The following ELAPOR1 variants were observed in gnomAD, a reference collection of about 807,000 sequenced individuals.
The protein encoded by ELAPOR1 is endosome-lysosome associated apoptosis and autophagy regulator 1, also known as endosome/lysosome-associated apoptosis and autophagy regulator 1.
A neutral mutation model predicts 119.7 loss-of-function variants in ELAPOR1; 77 were observed. That is an observed-to-expected ratio of 0.64 (90% CI 0.54 to 0.78). The LOEUF (loss-of-function observed/expected upper bound fraction) is 0.78. ELAPOR1 is among the 30% of genes least tolerant of loss of function. The pLI is 0.00. For missense variants in ELAPOR1, 1,115 were observed against 1,270.4 expected, an observed-to-expected ratio of 0.88 and a Z score of 1.86; for synonymous variants, 481 against 487.2, an observed-to-expected ratio of 0.99 and a Z score of 0.17.
Position 109,200,157 on chromosome 1 carries a change from G to C in ELAPOR1, c.2727G>C (p.Leu909=). 6.2e-7 allele frequency: 1 copy of C among 1,614,250 alleles called. No homozygotes were observed. The highest frequency in any genetic ancestry group is 8.5e-7 in the Non-Finnish European group (1 of 1,180,046). ...VTICKTIDFW[L]KVGISAGTCT... Reference sequence around the variant, plus strand: ...TCTGCAAAACCATAGATTTCTGGCTGAAAGTGGGCATCTCTGCAGGCACCT... The same window carrying C: ...TCTGCAAAACCATAGATTTCTGGCTCAAAGTGGGCATCTCTGCAGGCACCT... The change falls in exon 20 of 22, where the codon CTG becomes CTC. Residue 909 remains leucine, a synonymous_variant. Transcript: ENST00000369939.
At chr1:109,199,463 A>T (rs1654026114) in intron 18 of ELAPOR1, among the ~76,000 whole-genome samples, 1 of 152,154 alleles carries the variant, frequency 6.6e-6, no homozygotes, top group Non-Finnish European at 1.5e-5. Flanking sequence ...TCATTCCTGA[A>T]CCCCACCTCA....
At chr1:109,147,898 C>G (rs985381013) in intron 1 of ELAPOR1, among the ~76,000 whole-genome samples, 1 of 151,476 alleles carries the variant, frequency 6.6e-6, no homozygotes, top group Non-Finnish European at 1.5e-5. Flanking sequence ...GGCACCATCT[C>G]GTCTCACTGC....
intron 7 of ELAPOR1, among the ~76,000 whole-genome samples, chr1:109,177,160 C>T (rs1177209937): frequency 2.7e-4 from 40 of 148,284 alleles, no homozygotes; most frequent in East Asian, 8.1e-4. Flanking sequence ...CAGAGGGGCT[C>T]CTCACTTCCC....
intron 1 of ELAPOR1, among the ~76,000 whole-genome samples, chr1:109,143,741 C>T (rs904915260): frequency 6.6e-6 from 1 of 151,950 alleles, no homozygotes; most frequent in African/African-American, 2.4e-5. Context: ...ACAAACACTG[C>T]TCAATGCAGC....
At position 109,164,710 on chromosome 1, in the gene ELAPOR1, C is replaced by G. The variant is rs569844413; in HGVS notation, c.467+19C>G. On this transcript the variant is annotated intron_variant, in intron 3 of 21. Coordinates refer to ENST00000369939, the MANE Select transcript of ELAPOR1 (RefSeq NM_020775.5). ...GTACTTCGTGAGTCTGCACACACCC[C>G]CACCCCACCCCCAGCCCACTGGGTA... 1 of 1,595,790 alleles carries G rather than the reference C, an allele frequency of 6.3e-7. No individual in the cohort carries two copies. Among genetic ancestry groups the G allele is most frequent in the South Asian group, 1.1e-5 (1 of 89,736 alleles).
intron 1 of ELAPOR1, among the ~76,000 whole-genome samples, chr1:109,157,521 G>C (rs1650957531): frequency 6.6e-6 from 1 of 152,148 alleles, no homozygotes. Context: ...ACTTGAGCTA[G>C]ATTTCACCCT....
Position 109,133,533 on chromosome 1 carries a change from A to G in ELAPOR1, c.153+19197A>G, listed in dbSNP as rs1039700784. On this transcript the variant is annotated intron_variant, in intron 1 of 21. Transcript: ENST00000369939. ...CAGAGAGATTCACCAATTAGTTACT[A>G]TGGTTACTGAGACTGTAGTATCTCC... 2.0e-5 allele frequency among the ~76,000 whole-genome samples: 3 copies of G among 152,222 alleles called. No homozygotes were observed. In the East Asian group the frequency reaches 5.8e-4, roughly 29 times the overall value.
chr1:109,136,520 G>A (rs112108271), intron 1 of ELAPOR1, among the ~76,000 whole-genome samples: 8,525 of 152,240 alleles, frequency 0.056, 760 homozygotes, highest in African/African-American at 0.19. Context: ...AAGCCACCCA[G>A]TCTGTGGCAC....
At chr1:109,197,410 C>A in intron 15 of ELAPOR1, 64 bp from the exon 16 acceptor site, 1 of 1,467,250 alleles carries the variant, frequency 6.8e-7, no homozygotes, top group Non-Finnish European at 9.4e-7. Context: ...TCCCTATTCC[C>A]TTCTGGGAAT....
chr1:109,136,333 T>G (rs555501826), intron 1 of ELAPOR1, among the ~76,000 whole-genome samples: 40 of 152,028 alleles, frequency 2.6e-4, no homozygotes, highest in Non-Finnish European at 5.0e-4. Flanking sequence ...TGTGTGAGAG[T>G]TGGAGTTATG....
intron 7 of ELAPOR1, among the ~76,000 whole-genome samples, chr1:109,178,703 G>A (rs1558054330): frequency 1.3e-5 from 2 of 152,186 alleles, no homozygotes; most frequent in Non-Finnish European, 2.9e-5. Context: ...GGCGGCTCAC[G>A]CCTGTAATCC....
At chr1:109,200,289 CAGGG>C in intron 20 of ELAPOR1, 52 bp downstream of exon 20, 1 of 1,578,432 alleles carries the variant, frequency 6.3e-7, no homozygotes, top group Non-Finnish European at 8.7e-7. Flanking sequence ...GATTATTGAT[CAGGG>C]AGAATATCTG....
chr1:109,165,798 G>C (rs1651564534), intron 3 of ELAPOR1, among the ~76,000 whole-genome samples: 3 of 149,468 alleles, frequency 2.0e-5, no homozygotes, highest in African/African-American at 7.4e-5. Flanking sequence ...AGGCTGGAGT[G>C]CAGTGGTGCC....
intron 1 of ELAPOR1, among the ~76,000 whole-genome samples, chr1:109,123,421 A>G (rs1648570767): frequency 6.6e-6 from 1 of 152,232 alleles, no homozygotes; most frequent in Non-Finnish European, 1.5e-5. Context: ...CTTTCTATAA[A>G]GACGACATAT....
At chr1:109,181,818 C>T (rs1652711538) in intron 7 of ELAPOR1, among the ~76,000 whole-genome samples, 1 of 152,042 alleles carries the variant, frequency 6.6e-6, no homozygotes, top group African/African-American at 2.4e-5. Context: ...TCCCACCTGT[C>T]CAGCCTAATA....
At position 109,144,061 on chromosome 1, in the gene ELAPOR1, A is replaced by ATATATATTTTTTTTTTTTTTTTT; in HGVS notation, c.154-17832_154-17831insATATATTTTTTTTTTTTTTTTTT. ...TATATATATATATATATATTTATAT[A>ATATATATTTTTTTTTTTTTTTTT]TTTTTTTTTTTTTTTGAGATGGAGT... On this transcript the variant is annotated intron_variant, in intron 1 of 21. Transcript: ENST00000369939. 2.4e-4 allele frequency among the ~76,000 whole-genome samples: 21 copies of ATATATATTTTTTTTTTTTTTTTT among 88,984 alleles called. 1 individual carries two copies. The highest frequency in any genetic ancestry group is 6.8e-4 in the African/African-American group (14 of 20,738). The allele number at this position is 88,984 out of a possible 152,430, so 58.4% of individuals were successfully genotyped here.
chr1:109,120,602 A>G (rs1423572043), intron 1 of ELAPOR1, among the ~76,000 whole-genome samples: 1 of 151,944 alleles, frequency 6.6e-6, no homozygotes, highest in African/African-American at 2.4e-5. Flanking sequence ...TACCTAGTCT[A>G]TGGTATTTTG....
chr1:109,126,434 T>C (rs1352758650), intron 1 of ELAPOR1, among the ~76,000 whole-genome samples: 2 of 152,104 alleles, frequency 1.3e-5, no homozygotes, highest in Admixed American at 1.3e-4. Flanking sequence ...AAAATAAAAA[T>C]TTATCCCAAT....
rs555148199 is a variant in ELAPOR1, at chr1:109,194,080, C to A, written c.1948-341C>A. On this transcript the variant is annotated intron_variant, in intron 14 of 21. Transcript: ENST00000369939. The stretch of plus-strand genomic sequence containing the variant: ...AGATACCCTTTTCTGGTTAGTGCCT[C>A]ATTGTCTTCTGCTGGAAAGTAAAAA... Among the ~76,000 whole-genome samples the A allele has an allele frequency of 2.0e-5, 3 of 152,250 alleles. No homozygotes were observed. The East Asian group carries it at 5.8e-4, about 29-fold the overall frequency.
Sources: allele counts gnomAD v4.1 joint callset (sites outside exome capture counted in the v4.1 genomes callset), GRCh38; gene constraint gnomAD v4.1.1; transcripts MANE v1.5; gene names NCBI Gene and HGNC (gene_info 2026-07-23, HGNC 2026-07-21).